SMPD3: variants seen among roughly 807,000 people sequenced by gnomAD.
The protein encoded by SMPD3 is sphingomyelin phosphodiesterase 3, also known as nSMase-2.
Under a neutral mutation model 55.7 loss-of-function variants are expected in SMPD3, and 21 were observed. That is an observed-to-expected ratio of 0.38 (90% CI 0.27 to 0.54). The LOEUF (loss-of-function observed/expected upper bound fraction) is 0.54. Ranked by LOEUF, SMPD3 falls within the 20% of genes least tolerant of loss-of-function variation. The pLI is 0.80. For missense variants in SMPD3, 842 were observed against 899.6 expected (o/e 0.94, Z 0.82); for synonymous variants, 457 against 404.3 (o/e 1.13, Z -1.56).
In SMPD3 at chr16:68,371,493, G is replaced by A. The variant is rs1391328228; in HGVS notation, c.689C>T (p.Ser230Phe). Residue 230 changes from serine to phenylalanine, a missense_variant, in exon 3 of 9, where the codon TCT (serine) becomes TTT (phenylalanine). Ser to Phe is a radical substitution (Grantham distance 155). Around this residue, in one of 2 missense-constraint regions of SMPD3, gnomAD observed 649 missense variants for 643.6 expected, o/e 1.01. Coordinates refer to ENST00000219334, the MANE Select transcript of SMPD3 (RefSeq NM_018667.4). ...PGDEAANGPASGDPVDSSSPE... is the reference protein window; with the variant it reads ...PGDEAANGPAFGDPVDSSSPE... Reference sequence around the variant, plus strand: ...GCTGCTGCTGTCGACAGGGTCCCCAGAGGCTGGGCCGTTGGCAGCCTCGTC... The same window carrying A: ...GCTGCTGCTGTCGACAGGGTCCCCAAAGGCTGGGCCGTTGGCAGCCTCGTC... The A allele has an allele frequency of 7.5e-6, 12 of 1,599,204 alleles. No individual in the cohort carries two copies. The highest frequency in any genetic ancestry group is 9.3e-6 in the Non-Finnish European group (11 of 1,179,590).
intron 1 of SMPD3, among the ~76,000 whole-genome samples, chr16:68,436,341 CGT>C (rs547238290): frequency 1.0e-3 from 157 of 152,248 alleles, no homozygotes; most frequent in African/African-American, 3.4e-3. Context: ...CACACAAGAG[CGT>C]GCATGTGTGT....
chr16:68,402,228 C>A (rs992738895), intron 1 of SMPD3, among the ~76,000 whole-genome samples: 1 of 152,180 alleles, frequency 6.6e-6, no homozygotes, highest in African/African-American at 2.4e-5. Context: ...CTGAGTGATA[C>A]AGCACCTCAC....
chr16:68,383,184 C>T (rs900221398), intron 2 of SMPD3, among the ~76,000 whole-genome samples: 1 of 152,178 alleles, frequency 6.6e-6, no homozygotes, highest in African/African-American at 2.4e-5. Context: ...TAGCATCCCA[C>T]CTACACTGTG....
At chr16:68,418,756 T>C (rs945061098) in intron 1 of SMPD3, among the ~76,000 whole-genome samples, 4 of 152,246 alleles carry the variant, frequency 2.6e-5, no homozygotes, top group Non-Finnish European at 5.9e-5. Context: ...TTTTGTTCAT[T>C]TCTAAAGTAA....
intron 3 of SMPD3, chr16:68,369,294 A>C (rs1195817224): frequency 6.6e-6 from 1 of 151,962 alleles, no homozygotes; most frequent in Non-Finnish European, 1.5e-5. Flanking sequence ...GAGACCCAGG[A>C]GGTAGAGGAA....
Position 68,364,740 on chromosome 16 carries a change from C to A in SMPD3, c.1555+11G>T. The A allele has an allele frequency of 6.2e-7, 1 of 1,608,018 alleles. No individual in the cohort carries two copies. Among genetic ancestry groups the A allele is most frequent in the Non-Finnish European group, 8.5e-7 (1 of 1,176,850 alleles). On this transcript the variant is annotated intron_variant, in intron 5 of 8. Transcript: ENST00000219334. Reference sequence around the variant, plus strand: ...AGCTGGAGACCTGAGTGGGGAGGAGCCCGGCCTCACCAGAGGAGCAGTTAT... The same window carrying A: ...AGCTGGAGACCTGAGTGGGGAGGAGACCGGCCTCACCAGAGGAGCAGTTAT...
At chr16:68,370,720 G>A in intron 3 of SMPD3, 139 bp downstream of exon 3, 3 of 1,159,226 alleles carry the variant, frequency 2.6e-6, no homozygotes, top group Non-Finnish European at 3.6e-6. Context: ...TTGGCTCCAG[G>A]AAAGACCGCG....
chr16:68,415,804 CTTTT>C (rs5817637), intron 1 of SMPD3, among the ~76,000 whole-genome samples: 12 of 133,760 alleles, frequency 9.0e-5, no homozygotes, highest in Admixed American at 1.5e-4. Flanking sequence ...ACCTCTTCAG[CTTTT>C]TTTTTTTTTT....
rs1022965522 is a variant in SMPD3 at position 68,371,399 on chromosome 16, A to G, written c.783T>C (p.Pro261=). The part of the protein sequence containing the change: ...EGGRPPEADD[P]VPGGQARNGA... ...CGTTCCTGGCCTGGCCCCCAGGCAC[A>G]GGGTCGTCAGCTTCAGGTGGCCGGC... The change falls in exon 3 of 9, where the codon CCT becomes CCC. Residue 261 remains proline (P), a synonymous_variant. Coordinates refer to ENST00000219334, the MANE Select transcript of SMPD3 (RefSeq NM_018667.4). 41 of 1,567,162 alleles carry G rather than the reference A, an allele frequency of 2.6e-5. No homozygotes were observed. Among genetic ancestry groups the G allele is most frequent in the Non-Finnish European group, 3.3e-5 (38 of 1,165,364 alleles).
At chr16:68,385,618 T>C (rs1055990908) in intron 2 of SMPD3, among the ~76,000 whole-genome samples, 6 of 152,158 alleles carry the variant, frequency 3.9e-5, no homozygotes, top group African/African-American at 1.2e-4. Flanking sequence ...GTGACCACCC[T>C]GGCAACCCTG....
intron 1 of SMPD3, among the ~76,000 whole-genome samples, chr16:68,414,834 G>C (rs2090327412): frequency 6.6e-6 from 1 of 152,216 alleles, no homozygotes; most frequent in Non-Finnish European, 1.5e-5. Context: ...GGTGGCCTTG[G>C]TCACCCAGGG....
At chr16:68,443,551 C>T (rs375027052) in intron 1 of SMPD3, among the ~76,000 whole-genome samples, 8 of 152,102 alleles carry the variant, frequency 5.3e-5, no homozygotes, top group Non-Finnish European at 1.2e-4. Flanking sequence ...ACTTTGTTGC[C>T]ATCTACGCTT....
At chr16:68,364,519 G>C in intron 5 of SMPD3, 1 of 536,196 alleles carries the variant, frequency 1.9e-6, no homozygotes, top group South Asian at 2.8e-5. Flanking sequence ...AGCCTTCCTT[G>C]TCAGAGGTTC....
chr16:68,372,298 G>A lies in SMPD3; in HGVS notation c.-117C>T. ...CAGCTGGAGGAGGGGTCACCTCCTGGCGAGATGCAACTCCGGCTGGTCAAT... is the reference window on the plus strand; with the variant it reads ...CAGCTGGAGGAGGGGTCACCTCCTGACGAGATGCAACTCCGGCTGGTCAAT... On this transcript the variant is annotated 5_prime_UTR_variant, in exon 3 of 9. Coordinates refer to ENST00000219334, the MANE Select transcript of SMPD3 (RefSeq NM_018667.4). The A allele has an allele frequency of 2.3e-6, 3 of 1,333,108 alleles. No homozygotes were observed. The highest frequency in any genetic ancestry group is 2.1e-6 in the Non-Finnish European group (2 of 966,494). The allele number at this position is 1,333,108 out of a possible 1,614,324, so 82.6% of individuals were successfully genotyped here.
chr16:68,430,631 C>T (rs749423480), intron 1 of SMPD3, among the ~76,000 whole-genome samples: 1 of 152,156 alleles, frequency 6.6e-6, no homozygotes, highest in Non-Finnish European at 1.5e-5. Flanking sequence ...GGGGCCTTCT[C>T]CCTCCCCCTG....
intron 1 of SMPD3, among the ~76,000 whole-genome samples, chr16:68,411,034 G>C (rs1567803757): frequency 6.6e-6 from 1 of 152,254 alleles, no homozygotes. Flanking sequence ...ATCACACCTT[G>C]ATGACAGAGA....
In SMPD3 at chr16:68,364,912, G is replaced by A. The variant is rs777577451; in HGVS notation, c.1400-6C>T. ...ACACCGGATGGCGCTGTCCTCTGCA[G>A]GGCAGAAGTACAGAGACTGGATGAT... On this transcript the variant is annotated splice_polypyrimidine_tract_variant and splice_region_variant and intron_variant, in intron 4 of 8. Coordinates refer to ENST00000219334, the MANE Select transcript of SMPD3 (RefSeq NM_018667.4). 2.5e-6 allele frequency: 4 copies of A among 1,613,460 alleles called. No homozygotes were observed. Among genetic ancestry groups the A allele is most frequent in the South Asian group, 1.1e-5 (1 of 91,038 alleles).
chr16:68,365,130 C>A, intron 3 of SMPD3, 38 bp from the exon 4 acceptor site: 1 of 1,606,388 alleles, frequency 6.2e-7, no homozygotes, highest in South Asian at 1.1e-5. Flanking sequence ...ACCTGCCAGT[C>A]ACTGTGGCCC....
chr16:68,428,416 C>T (rs575607779), intron 1 of SMPD3, among the ~76,000 whole-genome samples: 4 of 152,324 alleles, frequency 2.6e-5, no homozygotes, highest in East Asian at 1.9e-4. Context: ...TCCTTCACCC[C>T]GCTCCTGCCC....
Sources: gnomAD v4.1 joint callset for allele counts (sites outside exome capture counted in the v4.1 genomes callset) on GRCh38, gnomAD v4.1.1 for gene constraint, gnomAD v4.1.1 regional missense constraint, MANE v1.5 for transcripts, NCBI Gene and HGNC (gene_info 2026-07-23, HGNC 2026-07-21) for gene names.